The following NEGR1 variants were observed in gnomAD, a reference collection of about 807,000 sequenced individuals.
NEGR1 encodes IgLON family member 4.
Under a neutral mutation model 40.9 loss-of-function variants are expected in NEGR1, and 10 were observed. The observed-to-expected ratio is 0.24, with a 90% CI of 0.15 to 0.42. NEGR1 has a LOEUF of 0.42. Ranked by LOEUF, NEGR1 falls within the 10% of genes least tolerant of loss-of-function variation. NEGR1 has a pLI of 1.00. For missense variants in NEGR1, 352 were observed against 438.9 expected, an observed-to-expected ratio of 0.80 and a Z score of 1.77; for synonymous variants, 185 against 166.8, an observed-to-expected ratio of 1.11 and a Z score of -0.84.
At chr1:71,662,078 T>C (rs781606816) in intron 4 of NEGR1, among the ~76,000 whole-genome samples, 7 of 152,206 alleles carry the variant, frequency 4.6e-5, no homozygotes, top group Admixed American at 2.0e-4. Flanking sequence ...GGAAGCAGTA[T>C]CATCTAGGAC....
chr1:71,780,725 T>C (rs888325807), intron 2 of NEGR1, among the ~76,000 whole-genome samples: 21 of 152,238 alleles, frequency 1.4e-4, no homozygotes, highest in African/African-American at 5.1e-4. Context: ...TCTTCAACTT[T>C]TATTTAGTTG....
At chr1:71,475,918 C>T (rs1424452841) in intron 6 of NEGR1, among the ~76,000 whole-genome samples, 2 of 151,670 alleles carry the variant, frequency 1.3e-5, no homozygotes, top group Non-Finnish European at 2.9e-5. Flanking sequence ...CATTGATGTT[C>T]ACTTGTATAA....
intron 1 of NEGR1, among the ~76,000 whole-genome samples, chr1:72,110,158 C>T (rs977457655): frequency 1.4e-5 from 2 of 146,612 alleles, no homozygotes; most frequent in African/African-American, 5.1e-5. Context: ...GTAATTTCCA[C>T]CAGCAATGCA....
At chr1:71,638,811 G>T (rs562781697) in intron 4 of NEGR1, among the ~76,000 whole-genome samples, 3 of 151,728 alleles carry the variant, frequency 2.0e-5, no homozygotes, top group African/African-American at 7.3e-5. Context: ...CCATGTGTCC[G>T]CAATGCAAGC....
chr1:71,670,716 G>T (rs1348237189), intron 4 of NEGR1, among the ~76,000 whole-genome samples: 1 of 152,030 alleles, frequency 6.6e-6, no homozygotes, highest in Non-Finnish European at 1.5e-5. Context: ...CTTGGATCGT[G>T]AATCTTTACA....
intron 2 of NEGR1, among the ~76,000 whole-genome samples, chr1:71,840,049 CA>C (rs538039350): frequency 3.0e-4 from 45 of 152,138 alleles, no homozygotes; most frequent in African/African-American, 1.0e-3. Context: ...CCATTTTTAT[CA>C]AATGTGATTA....
intron 2 of NEGR1, among the ~76,000 whole-genome samples, chr1:71,910,506 A>G (rs979763688): frequency 1.3e-5 from 2 of 152,186 alleles, no homozygotes; most frequent in African/African-American, 2.4e-5. Flanking sequence ...ATGCTGCTAG[A>G]GTGTAAATTT....
At chr1:72,181,999 T>C (rs1652395132) in intron 1 of NEGR1, among the ~76,000 whole-genome samples, 2 of 152,150 alleles carry the variant, frequency 1.3e-5, no homozygotes, top group African/African-American at 4.8e-5. Context: ...CCAGAGGTAA[T>C]AAAATTTCAC....
intron 1 of NEGR1, among the ~76,000 whole-genome samples, chr1:72,170,683 T>C (rs772906974): frequency 6.6e-6 from 1 of 152,198 alleles, no homozygotes; most frequent in Non-Finnish European, 1.5e-5. Context: ...CAAGTTTGCT[T>C]ATGTGACATG....
chr1:71,885,784 G>T (rs746491943), intron 2 of NEGR1, among the ~76,000 whole-genome samples: 28 of 152,146 alleles, frequency 1.8e-4, no homozygotes, highest in Non-Finnish European at 3.4e-4. Context: ...ATTTGGTAAA[G>T]TATTATAACT....
rs143528129 is a variant in NEGR1 at position 72,055,778 on chromosome 1, T to C, written c.177-120467A>G. Among the ~76,000 whole-genome samples, 418 of 147,144 alleles carry C rather than the reference T, an allele frequency of 2.8e-3. 4 individuals carry two copies. The highest frequency in any genetic ancestry group is 1.0e-2 in the African/African-American group (406 of 40,626). ...AACAGTCATACTATACTGTATGTAATCTATAATATATTATATATATTATAT... is the reference window on the plus strand; with the variant it reads ...AACAGTCATACTATACTGTATGTAACCTATAATATATTATATATATTATAT... On this transcript the variant is annotated intron_variant, in intron 1 of 6. Transcript: ENST00000357731.
chr1:72,251,545 G>A (rs761477380), intron 1 of NEGR1, among the ~76,000 whole-genome samples: 6 of 152,090 alleles, frequency 3.9e-5, no homozygotes, highest in South Asian at 2.1e-4. Context: ...CATAATATTC[G>A]CATATAACCT....
At chr1:71,797,539 G>T (rs1657384306) in intron 2 of NEGR1, among the ~76,000 whole-genome samples, 1 of 152,098 alleles carries the variant, frequency 6.6e-6, no homozygotes, top group Admixed American at 6.6e-5. Context: ...TGGATAATTA[G>T]AGAAAATACA....
chr1:71,618,300 G>C (rs1460773391), intron 4 of NEGR1, among the ~76,000 whole-genome samples: 1 of 152,116 alleles, frequency 6.6e-6, no homozygotes, highest in Non-Finnish European at 1.5e-5. Flanking sequence ...CTTTGTCCCT[G>C]CCAGAAAAGA....
intron 1 of NEGR1, among the ~76,000 whole-genome samples, chr1:72,138,140 G>A (rs1650538916): frequency 6.6e-6 from 1 of 152,026 alleles, no homozygotes. Context: ...AGTAGAAAGG[G>A]TAACATGATG....
At chr1:72,077,189 C>G (rs1036210645) in intron 1 of NEGR1, among the ~76,000 whole-genome samples, 1 of 151,958 alleles carries the variant, frequency 6.6e-6, no homozygotes, top group African/African-American at 2.4e-5. Context: ...CCACCGTGCC[C>G]GGCCCTCATT....
intron 2 of NEGR1, among the ~76,000 whole-genome samples, chr1:71,922,835 T>C (rs1272906679): frequency 2.0e-5 from 3 of 152,208 alleles, no homozygotes; most frequent in Non-Finnish European, 2.9e-5. Flanking sequence ...ACTTTTTACT[T>C]CTCAGAGGAT....
At chr1:71,685,570 T>C (rs969692009) in intron 4 of NEGR1, among the ~76,000 whole-genome samples, 7 of 152,304 alleles carry the variant, frequency 4.6e-5, no homozygotes, top group South Asian at 2.1e-4. Flanking sequence ...TCTGTCCGCA[T>C]TGGCTTTCCA....
chr1:72,261,867 T>C (rs893509366), intron 1 of NEGR1, among the ~76,000 whole-genome samples: 2 of 151,944 alleles, frequency 1.3e-5, no homozygotes, highest in Non-Finnish European at 2.9e-5. Context: ...CCAAAAGGTG[T>C]AAGGGTAGGA....
Sources: gnomAD v4.1 joint callset for allele counts (sites outside exome capture counted in the v4.1 genomes callset) on GRCh38, gnomAD v4.1.1 for gene constraint, MANE v1.5 for transcripts, NCBI Gene and HGNC (gene_info 2026-07-23, HGNC 2026-07-21) for gene names.